Variants in ASAP1 observed in about 807,000 individuals in gnomAD.
ASAP1 encodes arf-GAP with SH3 domain, ANK repeat and PH domain-containing protein 1.
In ASAP1, 43 loss-of-function variants were observed where a neutral mutation model predicts 145.2. That is an observed-to-expected ratio of 0.30 (90% CI 0.23 to 0.38). The LOEUF is 0.38. ASAP1 is among the 10% of genes least tolerant of loss of function. ASAP1 has a pLI of 1.00. For missense variants in ASAP1, 1,018 were observed against 1,355.3 expected (o/e 0.75, Z 3.91); for synonymous variants, 546 against 515.5 (o/e 1.06, Z -0.80).
chr8:130,327,991 G>A (rs907891173), intron 3 of ASAP1, among the ~76,000 whole-genome samples: 3 of 152,060 alleles, frequency 2.0e-5, no homozygotes, highest in Non-Finnish European at 4.4e-5. Context: ...TAAGACAGGT[G>A]ATTTAACAGG....
intron 11 of ASAP1, among the ~76,000 whole-genome samples, chr8:130,165,676 C>T (rs2097678537): frequency 6.6e-6 from 1 of 152,214 alleles, no homozygotes; most frequent in Admixed American, 6.5e-5. Flanking sequence ...TTCCTGGCCA[C>T]TCTGCCTACT....
At position 130,118,309 on chromosome 8, in the gene ASAP1, T is replaced by C. The variant is rs1011419209; in HGVS notation, c.1795-63A>G. The C allele has an allele frequency of 1.7e-5, 25 of 1,514,642 alleles. No homozygotes were observed. In the African/African-American group the frequency reaches 3.3e-4, roughly 20 times the overall value. 93.8% of individuals were successfully genotyped at this position (1,514,642 alleles called of 1,614,324 possible). Reference sequence around the variant, plus strand: ...ATGCTCTGCCAAGGGAGGCTTCATATATATCAGTTGCCCCCAAGTAATTAT... The same window carrying C: ...ATGCTCTGCCAAGGGAGGCTTCATACATATCAGTTGCCCCCAAGTAATTAT... On this transcript the variant is annotated intron_variant, in intron 19 of 29. Transcript: ENST00000518721.
At chr8:130,259,211 T>C (rs1274609586) in intron 3 of ASAP1, among the ~76,000 whole-genome samples, 1 of 152,206 alleles carries the variant, frequency 6.6e-6, no homozygotes, top group Admixed American at 6.5e-5. Context: ...TGCTTTGGGA[T>C]TTCTAAATAT....
chr8:130,186,974 A>G (rs1812425312), intron 7 of ASAP1, among the ~76,000 whole-genome samples: 1 of 152,238 alleles, frequency 6.6e-6, no homozygotes, highest in African/African-American at 2.4e-5. Context: ...TAGTACTAGC[A>G]GCCATAAATG....
chr8:130,245,123 T>C (rs1818770839), intron 3 of ASAP1, among the ~76,000 whole-genome samples: 1 of 152,126 alleles, frequency 6.6e-6, no homozygotes, highest in South Asian at 2.1e-4. Context: ...AAAGATGTTA[T>C]CATGTTAGTT....
chr8:130,369,328 T>C (rs560754527), intron 2 of ASAP1, among the ~76,000 whole-genome samples: 8 of 152,360 alleles, frequency 5.3e-5, no homozygotes, highest in African/African-American at 1.7e-4. Context: ...TATACTATAT[T>C]TTTAATGATT....
rs1203478595 is a variant in ASAP1 at position 130,262,442 on chromosome 8, G to A, written c.187-25448C>T. Among the ~76,000 whole-genome samples the A allele has an allele frequency of 4.4e-3, 567 of 129,862 alleles. 11 individuals are homozygous for A. The highest frequency in any genetic ancestry group is 8.8e-3 in the East Asian group (34 of 3,856). The allele number at this position is 129,862 out of a possible 152,430, so 85.2% of individuals were successfully genotyped here. A position where few individuals can be genotyped will look rare whatever the true frequency, so the allele number is the denominator to read the frequency against. ...AGAGAGAGAGAGAGAGAGAGAGAGA[G>A]AGAGAGAGAGAGAGAACCTGTGGAA... On this transcript the variant is annotated intron_variant, in intron 3 of 29. Coordinates refer to ENST00000518721, the MANE Select transcript of ASAP1 (RefSeq NM_018482.4).
Position 130,358,811 on chromosome 8 carries a change from C to A in ASAP1, c.60-668G>T, listed in dbSNP as rs1428327849. ...TGGCTCCGAAGCTGCCGCTCCCGAC[C>A]CCGGCTGCGCGGCACGGGGGCTCCG... On this transcript the variant is annotated intron_variant, in intron 2 of 29. Transcript: ENST00000518721. This position sits in a 1 kb window ranked among gnomAD's most constrained non-coding sequence, Gnocchi z 4.1. Among the ~76,000 whole-genome samples, 1 of 150,884 alleles carries A rather than the reference C, an allele frequency of 6.6e-6. No homozygotes were observed. The highest frequency in any genetic ancestry group is 2.4e-5 in the African/African-American group (1 of 41,114).
intron 9 of ASAP1, among the ~76,000 whole-genome samples, chr8:130,175,393 T>C (rs1487497059): frequency 6.6e-6 from 1 of 152,116 alleles, no homozygotes; most frequent in Non-Finnish European, 1.5e-5. Context: ...GGTAATTTTT[T>C]ATTTTTATTT....
chr8:130,393,324 A>G (rs1417937664), intron 2 of ASAP1, among the ~76,000 whole-genome samples: 2 of 152,182 alleles, frequency 1.3e-5, no homozygotes, highest in Non-Finnish European at 2.9e-5. Flanking sequence ...TACTGAGGGG[A>G]ATGTGCTGAA....
intron 2 of ASAP1, among the ~76,000 whole-genome samples, chr8:130,397,255 C>T (rs892389427): frequency 2.0e-5 from 3 of 152,138 alleles, no homozygotes; most frequent in African/African-American, 4.8e-5. Context: ...ATTCTCATGC[C>T]TCAGCCTCCC....
chr8:130,102,957 T>C (rs1487861427), intron 24 of ASAP1, among the ~76,000 whole-genome samples: 2 of 151,788 alleles, frequency 1.3e-5, no homozygotes, highest in Non-Finnish European at 2.9e-5. Context: ...TCCCAAAGCA[T>C]TGGGATTACA....
intron 2 of ASAP1, among the ~76,000 whole-genome samples, chr8:130,398,421 T>C (rs966395167): frequency 6.6e-6 from 1 of 152,162 alleles, no homozygotes; most frequent in Admixed American, 6.5e-5. Context: ...GTAGTAATAA[T>C]AGTAGAAGAG....
chr8:130,065,417 G>A (rs769417628), intron 27 of ASAP1, among the ~76,000 whole-genome samples: 71 of 152,070 alleles, frequency 4.7e-4, no homozygotes, highest in Non-Finnish European at 8.4e-4. Context: ...GCTTCATGAC[G>A]TCAGCATTCC....
In ASAP1 at chr8:130,284,841, C is replaced by G. The variant is rs540197841; in HGVS notation, c.187-47847G>C. Reference sequence around the variant, plus strand: ...TAAAACCAATCATTCCTTTTACACTCTACACACACACACACACACACACAC... The same window carrying G: ...TAAAACCAATCATTCCTTTTACACTGTACACACACACACACACACACACAC... On this transcript the variant is annotated intron_variant, in intron 3 of 29. Coordinates refer to ENST00000518721, the MANE Select transcript of ASAP1 (RefSeq NM_018482.4). Among the ~76,000 whole-genome samples, 12 of 87,400 alleles carry G rather than the reference C, an allele frequency of 1.4e-4. No homozygotes were observed. In the Admixed American group the frequency reaches 1.4e-3, roughly 10 times the overall value. 57.3% of individuals were successfully genotyped at this position (87,400 alleles called of 152,430 possible).
chr8:130,334,053 A>C (rs992691351), intron 3 of ASAP1, among the ~76,000 whole-genome samples: 2 of 152,214 alleles, frequency 1.3e-5, no homozygotes, highest in African/African-American at 2.4e-5. Flanking sequence ...TCAGTCCAGA[A>C]AGATGAGTAG....
intron 24 of ASAP1, among the ~76,000 whole-genome samples, chr8:130,106,826 C>T (rs897050): frequency 0.2 from 31,066 of 152,138 alleles, 4,197 homozygotes; most frequent in African/African-American, 0.38. Context: ...CTCTTTCCTG[C>T]TCCTCCAGGA....
Position 130,358,621 on chromosome 8 carries a change from G to T in ASAP1, c.60-478C>A, listed in dbSNP as rs1002538998. 6.8e-6 allele frequency among the ~76,000 whole-genome samples: 1 copy of T among 147,276 alleles called. No homozygotes were observed. Among genetic ancestry groups the T allele is most frequent in the South Asian group, 2.1e-4 (1 of 4,818 alleles). ...GAGCGCACACTCCCGCGGCGGGCGG[G>T]CGGGCGGGCGGCGCTCGCGCTGCAG... On this transcript the variant is annotated intron_variant, in intron 2 of 29. Transcript: ENST00000518721. This position sits in a 1 kb window ranked among gnomAD's most constrained non-coding sequence, Gnocchi z 4.1.
At chr8:130,437,703 T>C (rs531019171) in intron 1 of ASAP1, among the ~76,000 whole-genome samples, 113 of 152,332 alleles carry the variant, frequency 7.4e-4, no homozygotes, top group Middle Eastern at 6.8e-3. Context: ...CAAAAATTCA[T>C]GATTGGTTTT....
Sources: allele counts gnomAD v4.1 joint callset (sites outside exome capture counted in the v4.1 genomes callset), GRCh38; gene constraint gnomAD v4.1.1; non-coding constraint Gnocchi (gnomAD v3.1); transcripts MANE v1.5; gene names NCBI Gene and HGNC (gene_info 2026-07-23, HGNC 2026-07-21).